CEACAM3: variants seen among roughly 807,000 people sequenced by gnomAD.
The protein encoded by CEACAM3 is CEA cell adhesion molecule 3.
Under a neutral mutation model 30.1 loss-of-function variants are expected in CEACAM3, and 32 were observed. The observed-to-expected ratio is 1.06, with a 90% CI of 0.80 to 1.43. CEACAM3 has a LOEUF of 1.43. Ranked by LOEUF, CEACAM3 falls within the 40% of genes most tolerant of loss-of-function variation. The probability of loss-of-function intolerance (pLI) is 0.00; values close to 1 mark genes in which losing one functional copy is unlikely to be tolerated. For missense variants in CEACAM3, 290 were observed against 316.3 expected (o/e 0.92, Z 0.63); for synonymous variants, 134 against 127.2 (o/e 1.05, Z -0.36).
In CEACAM3 at chr19:41,808,841, G is replaced by T. The variant is rs1297683205; in HGVS notation, c.453G>T (p.Gly151=). 1.2e-6 allele frequency: 2 copies of T among 1,611,910 alleles called. No individual in the cohort carries two copies. The highest frequency in any genetic ancestry group is 1.3e-5 in the African/African-American group (1 of 74,808). ...YQENAPGLPV[G]AVAGIVTGVL... ...AAAATGCCCCAGGCCTTCCTGTGGG[G>T]GCCGTCGCCGGCATCGTGACCGGGG... The change falls in exon 3 of 7, where the codon GGG becomes GGT. Residue 151 remains glycine, a synonymous_variant. Coordinates refer to ENST00000357396, the MANE Select transcript of CEACAM3 (RefSeq NM_001815.5).
At chr19:41,806,237 T>C (rs2073198793) in intron 2 of CEACAM3, among the ~76,000 whole-genome samples, 2 of 151,988 alleles carry the variant, frequency 1.3e-5, no homozygotes, top group East Asian at 3.9e-4. Flanking sequence ...GCCATGTTGG[T>C]CAGGCTGGTC....
intron 2 of CEACAM3, chr19:41,807,169 T>G: frequency 6.6e-7 from 1 of 1,521,856 alleles, no homozygotes. Flanking sequence ...AGGACAAGGA[T>G]GCTGTGGCCT....
Position 41,800,990 on chromosome 19 carries a change from C to T in CEACAM3, c.424+3042C>T, listed in dbSNP as rs543490180. ...CCCACCGACCCTGTGGGGCTGGTCC[C>T]TACACTGGTTCTAGAATAACCAGGG... On this transcript the variant is annotated intron_variant, in intron 2 of 6. Transcript: ENST00000357396. Among the ~76,000 whole-genome samples the T allele has an allele frequency of 5.3e-5, 8 of 152,234 alleles. No homozygotes were observed. The South Asian group carries it at 1.5e-3, about 28-fold the overall frequency.
Position 41,797,643 on chromosome 19 carries a change from C to T in CEACAM3, c.119C>T (p.Ser40Phe), listed in dbSNP as rs782711240. 3.1e-6 allele frequency: 5 copies of T among 1,614,164 alleles called. No individual in the cohort carries two copies. The South Asian group carries it at 4.4e-5, about 14-fold the overall frequency. Reference protein sequence around the residue: ...PPTTAKLTIESMPLSVAEGKE... With the variant: ...PPTTAKLTIEFMPLSVAEGKE... ...ACCACTGCCAAGCTCACTATTGAAT[C>T]CATGCCGCTCAGTGTCGCAGAGGGG... Residue 40 changes from serine to phenylalanine, a missense_variant, in exon 2 of 7, where the codon TCC becomes TTC. Coordinates refer to ENST00000357396, the MANE Select transcript of CEACAM3 (RefSeq NM_001815.5).
intron 2 of CEACAM3, among the ~76,000 whole-genome samples, chr19:41,804,737 G>C (rs1232253522): frequency 2.5e-4 from 38 of 151,822 alleles, no homozygotes; most frequent in Admixed American, 2.5e-3. Flanking sequence ...ACCTTATTAT[G>C]TTATCAAGAG....
In CEACAM3 at chr19:41,810,878, C is replaced by T. The variant is rs769000096; in HGVS notation, c.674C>T (p.Thr225Ile). The change falls in exon 6 of 7, where the codon ACA becomes ATA. Residue 225 changes from threonine to isoleucine, a missense_variant. Physicochemically the swap from Thr to Ile is moderately conservative, Grantham distance 89 (BLOSUM62 -1). Transcript: ENST00000357396. The stretch of plus-strand genomic sequence containing the variant: ...CAGGCCCCCCTACCCAACCCCAGGA[C>T]AGCAGCTTCCATCTATGAGGTGAGT... ...TAQAPLPNPR[T>I]AASIYEELLK... 2.4e-5 allele frequency: 39 copies of T among 1,613,742 alleles called. No homozygotes were observed. In the East Asian group the frequency reaches 6.7e-4, roughly 28 times the overall value.
At chr19:41,809,080 G>C (rs1331113561) in intron 3 of CEACAM3, 150 bp downstream of exon 3, 6 of 606,708 alleles carry the variant, frequency 9.9e-6, no homozygotes, top group African/African-American at 1.9e-5. Flanking sequence ...CTCCTCCCTC[G>C]TCAGCTCCTG....
intron 2 of CEACAM3, among the ~76,000 whole-genome samples, chr19:41,799,629 T>G (rs967469726): frequency 6.6e-6 from 1 of 152,092 alleles, no homozygotes; most frequent in Non-Finnish European, 1.5e-5. Context: ...CTGCCCTCAC[T>G]CGACCTGAAA....
chr19:41,806,983 G>A (rs953852768), intron 2 of CEACAM3: 23 of 1,511,434 alleles, frequency 1.5e-5, no homozygotes, highest in African/African-American at 1.1e-4. Flanking sequence ...CACCGCACCC[G>A]GCCTTGTCTT....
chr19:41,798,034 G>T, intron 2 of CEACAM3, 86 bp downstream of exon 2: 1 of 1,532,140 alleles, frequency 6.5e-7, no homozygotes, highest in Non-Finnish European at 8.8e-7. Flanking sequence ...TGTGCCTGTG[G>T]CCCTCTCTGC....
intron 1 of CEACAM3, 62 bp from the exon 2 acceptor site, chr19:41,797,527 G>A: frequency 3.8e-6 from 6 of 1,560,580 alleles, no homozygotes; most frequent in Non-Finnish European, 4.3e-6. Flanking sequence ...CAGGACCCAG[G>A]GCCCCATCTT....
intron 1 of CEACAM3, 144 bp from the exon 2 acceptor site, chr19:41,797,445 G>C: frequency 9.3e-7 from 1 of 1,069,924 alleles, no homozygotes. Flanking sequence ...AAGAAAGAAA[G>C]GTCACGTTAC....
intron 2 of CEACAM3, among the ~76,000 whole-genome samples, chr19:41,800,690 T>C (rs1451102190): frequency 1.3e-5 from 2 of 152,162 alleles, no homozygotes; most frequent in East Asian, 3.8e-4. Context: ...GTCTCCTCTC[T>C]CTCTCTGCCT....
chr19:41,803,204 C>T lies in CEACAM3; in HGVS notation c.424+5256C>T, dbSNP rs142348335. On this transcript the variant is annotated intron_variant, in intron 2 of 6. Coordinates refer to ENST00000357396, the MANE Select transcript of CEACAM3 (RefSeq NM_001815.5). ...TAAAGGTTATGATGGAAAAAGTAGACCCCATGCAGGAACAGATGGGTGATG... is the reference window on the plus strand; with the variant it reads ...TAAAGGTTATGATGGAAAAAGTAGATCCCATGCAGGAACAGATGGGTGATG... Among the ~76,000 whole-genome samples, 548 of 152,178 alleles carry T rather than the reference C, an allele frequency of 3.6e-3. 2 individuals carry two copies. The highest frequency in any genetic ancestry group is 0.013 in the African/African-American group (531 of 41,496).
chr19:41,800,173 A>G (rs2073134422), intron 2 of CEACAM3, among the ~76,000 whole-genome samples: 1 of 152,196 alleles, frequency 6.6e-6, no homozygotes, highest in African/African-American at 2.4e-5. Flanking sequence ...TCCTCGCTCT[A>G]TAATCACAAC....
chr19:41,809,305 G>A (rs763901190), intron 3 of CEACAM3: 18 of 201,344 alleles, frequency 8.9e-5, no homozygotes, highest in Non-Finnish European at 1.7e-4. Context: ...CACAGTGAGG[G>A]GGATTTGCAG....
chr19:41,810,266 G>A (rs2073238203), intron 4 of CEACAM3, 57 bp from the exon 5 acceptor site: 1 of 1,577,610 alleles, frequency 6.3e-7, no homozygotes, highest in Admixed American at 1.9e-5. Flanking sequence ...ACGCCTTCCT[G>A]GAGAGGGGAT....
chr19:41,810,834 G>A lies in CEACAM3; in HGVS notation c.630G>A (p.Met210Ile), dbSNP rs782333184. Reference sequence around the variant, plus strand: ...TGACCCTCCCTCCCTGTCCACAGATGTCCCCTCTCTCCACTGCCCAGGCCC... The same window carrying A: ...TGACCCTCCCTCCCTGTCCACAGATATCCCCTCTCTCCACTGCCCAGGCCC... ...RGPSHSSAFSMSPLSTAQAPL... is the reference protein window; with the variant it reads ...RGPSHSSAFSISPLSTAQAPL... The change falls in exon 6 of 7, where the codon ATG becomes ATA. Residue 210 changes from methionine to isoleucine, a missense_variant and splice_region_variant. By Grantham distance (10) the Met-to-Ile change is conservative. Transcript: ENST00000357396. 1.9e-6 allele frequency: 3 copies of A among 1,612,414 alleles called. No homozygotes were observed. Among genetic ancestry groups the A allele is most frequent in the Admixed American group, 1.7e-5 (1 of 59,680 alleles).
Position 41,797,725 on chromosome 19 carries a change from G to A in CEACAM3, c.201G>A (p.Trp67Ter). Residue 67 changes from tryptophan to a stop codon, truncating the protein, a stop_gained, in exon 2 of 7, where the codon TGG becomes TGA. Transcript: ENST00000357396. LOFTEE classifies it high-confidence loss of function. ...CCCAGCATCTTTTTGGCTACAGCTG[G>A]TACAAAGGGGAAAGAGTGGATGGCA... ...NLPQHLFGYS[W>*]YKGERVDGNS... 6.2e-7 allele frequency: 1 copy of A among 1,613,940 alleles called. No individual in the cohort carries two copies. The highest frequency in any genetic ancestry group is 8.5e-7 in the Non-Finnish European group (1 of 1,179,942).
Sources: allele counts gnomAD v4.1 joint callset (sites outside exome capture counted in the v4.1 genomes callset), GRCh38; gene constraint gnomAD v4.1.1; transcripts MANE v1.5; gene names NCBI Gene and HGNC (gene_info 2026-07-23, HGNC 2026-07-21).